Variants in CAMTA1 observed in about 807,000 individuals in gnomAD.
The protein encoded by CAMTA1 is calmodulin-binding transcription activator 1.
In CAMTA1, 27 loss-of-function variants were observed where a neutral mutation model predicts 170.9. That is an observed-to-expected ratio of 0.16 (90% CI 0.12 to 0.22). The LOEUF (loss-of-function observed/expected upper bound fraction) is 0.22. Among genes scored for constraint, CAMTA1 ranks in the 10% least tolerant of loss-of-function variants. CAMTA1 has a pLI of 1.00. For missense variants in CAMTA1, 1,619 were observed against 2,217.2 expected, an observed-to-expected ratio of 0.73 and a Z score of 5.42; for synonymous variants, 833 against 891.5, an observed-to-expected ratio of 0.93 and a Z score of 1.17.
chr1:7,255,726 G>T (rs527354847), intron 5 of CAMTA1, among the ~76,000 whole-genome samples: 1 of 152,186 alleles, frequency 6.6e-6, no homozygotes, highest in Non-Finnish European at 1.5e-5. Context: ...TCTCCACAGA[G>T]TGTCTACAGA....
chr1:7,015,113 C>T (rs536435000), intron 3 of CAMTA1, among the ~76,000 whole-genome samples: 21 of 152,244 alleles, frequency 1.4e-4, no homozygotes, highest in African/African-American at 1.9e-4. Context: ...GCTGGATGGA[C>T]GGATGTCTTG....
At position 7,751,272 on chromosome 1, in the gene CAMTA1, A is replaced by G. The variant is rs1206423489; in HGVS notation, c.4763A>G (p.Lys1588Arg). 1 of 1,611,974 alleles carries G rather than the reference A, an allele frequency of 6.2e-7. No individual in the cohort carries two copies. Among genetic ancestry groups the G allele is most frequent in the African/African-American group, 1.3e-5 (1 of 74,810 alleles). Residue 1588 changes from lysine to arginine, a missense_variant, in exon 20 of 23, where the codon AAA becomes AGA. Transcript: ENST00000303635. ...AAATTCCGAAGTTACTATGAACAAA[A>G]AAAATTCCAGCAGAGCCGACGGGCT... ...QSKFRSYYEQ[K>R]KFQQSRRAAV...
chr1:6,817,431 CAAG>C (rs1370336238), intron 1 of CAMTA1, among the ~76,000 whole-genome samples: 2 of 152,164 alleles, frequency 1.3e-5, no homozygotes, highest in Non-Finnish European at 2.9e-5. Flanking sequence ...AAAGATGTTA[CAAG>C]AAGTCAGCGT....
intron 6 of CAMTA1, among the ~76,000 whole-genome samples, chr1:7,525,434 A>G (rs1489605608): frequency 1.3e-5 from 2 of 151,766 alleles, no homozygotes; most frequent in South Asian, 2.1e-4. Flanking sequence ...TACGCTATTG[A>G]TGTTCTTGTG....
chr1:6,789,804 C>CTTTTTTTTTT (rs34542033), intron 1 of CAMTA1, among the ~76,000 whole-genome samples: 2 of 85,662 alleles, frequency 2.3e-5, no homozygotes, highest in Non-Finnish European at 4.3e-5. Flanking sequence ...TTTAGTGTAT[C>CTTTTTTTTTT]TTTTTTTTTT....
intron 5 of CAMTA1, among the ~76,000 whole-genome samples, chr1:7,459,192 A>C (rs1040827455): frequency 2.0e-5 from 3 of 152,106 alleles, no homozygotes; most frequent in Non-Finnish European, 2.9e-5. Flanking sequence ...GCTTGTTTGA[A>C]TCCTTCTGCC....
intron 5 of CAMTA1, among the ~76,000 whole-genome samples, chr1:7,347,063 C>T (rs376947095): frequency 3.3e-5 from 5 of 152,164 alleles, no homozygotes; most frequent in African/African-American, 1.2e-4. Flanking sequence ...CTCCAAACTC[C>T]GTAGCAATAG....
At chr1:7,407,866 G>T (rs1180912150) in intron 5 of CAMTA1, among the ~76,000 whole-genome samples, 1 of 152,092 alleles carries the variant, frequency 6.6e-6, no homozygotes, top group Non-Finnish European at 1.5e-5. Context: ...GGGAGCCAGG[G>T]CCATCTTGCA....
chr1:6,926,432 T>C (rs1683133326), intron 3 of CAMTA1, among the ~76,000 whole-genome samples: 1 of 134,842 alleles, frequency 7.4e-6, no homozygotes, highest in African/African-American at 2.8e-5. Flanking sequence ...TCTCTTTCTT[T>C]CTTTTCTCTT....
chr1:7,509,583 G>A (rs2094172097), intron 6 of CAMTA1, among the ~76,000 whole-genome samples: 3 of 152,154 alleles, frequency 2.0e-5, no homozygotes, highest in Admixed American at 2.0e-4. Context: ...CTGTATTCTG[G>A]GAGCACCCAG....
chr1:6,862,759 G>A (rs1571088398), intron 3 of CAMTA1, among the ~76,000 whole-genome samples: 2 of 152,110 alleles, frequency 1.3e-5, no homozygotes, highest in Admixed American at 1.3e-4. Context: ...TCATTTAAAG[G>A]TGGAATTTCC....
In CAMTA1 at chr1:7,588,940, G is replaced by T. The variant is rs1057036693; in HGVS notation, c.511-51460G>T. Reference sequence around the variant, plus strand: ...CGATCAGGGAAGACTGATCGTGCTTGGATAAGTGCAGCTTAAAATTGAAAA... The same window carrying T: ...CGATCAGGGAAGACTGATCGTGCTTTGATAAGTGCAGCTTAAAATTGAAAA... On this transcript the variant is annotated intron_variant, in intron 6 of 22. Transcript: ENST00000303635. This position sits in a 1 kb window ranked among gnomAD's most constrained non-coding sequence, Gnocchi z 5.8. 2.0e-5 allele frequency among the ~76,000 whole-genome samples: 3 copies of T among 152,192 alleles called. No homozygotes were observed. The highest frequency in any genetic ancestry group is 2.0e-4 in the Admixed American group (3 of 15,286).
chr1:7,664,736 C>T lies in CAMTA1; in HGVS notation c.2189C>T (p.Ala730Val). ...QPETNGVIRS[A>V]GGVPILPGNV... ...GAGACCAACGGGGTAATCCGAAGCG[C>T]CGGCGGCGTCCCCATCCTCCCGGGC... The change falls in exon 9 of 23, where the codon GCC (alanine) becomes GTC (valine). Residue 730 changes from alanine to valine, a missense_variant. Ala to Val is a moderately conservative substitution (Grantham distance 64). Transcript: ENST00000303635. The T allele has an allele frequency of 6.2e-7, 1 of 1,608,318 alleles. No homozygotes were observed.
chr1:6,938,019 T>G (rs1374201857), intron 3 of CAMTA1, among the ~76,000 whole-genome samples: 1 of 152,242 alleles, frequency 6.6e-6, no homozygotes, highest in Non-Finnish European at 1.5e-5. Context: ...ATTCTGCCTG[T>G]TTTACAGATG....
Position 7,384,596 on chromosome 1 carries a change from G to A in CAMTA1, c.439-83234G>A, listed in dbSNP as rs570298633. Among the ~76,000 whole-genome samples the A allele has an allele frequency of 1.5e-3, 236 of 152,344 alleles. 1 individual carries two copies. Among genetic ancestry groups the A allele is most frequent in the Non-Finnish European group, 2.4e-3 (162 of 68,036 alleles). On this transcript the variant is annotated intron_variant, in intron 5 of 22. Coordinates refer to ENST00000303635, the MANE Select transcript of CAMTA1 (RefSeq NM_015215.4). ...AAAGAAATTTGTACCTATCAAAGCAGCAAGGACACACATTAGATAAATCAA... is the reference window on the plus strand; with the variant it reads ...AAAGAAATTTGTACCTATCAAAGCAACAAGGACACACATTAGATAAATCAA...
intron 5 of CAMTA1, among the ~76,000 whole-genome samples, chr1:7,289,407 GAGA>G (rs926750802): frequency 6.6e-6 from 1 of 152,140 alleles, no homozygotes; most frequent in Non-Finnish European, 1.5e-5. Flanking sequence ...GAGATAACAG[GAGA>G]AGGACTGTCC....
At chr1:7,351,114 G>A (rs2084636731) in intron 5 of CAMTA1, among the ~76,000 whole-genome samples, 1 of 152,200 alleles carries the variant, frequency 6.6e-6, no homozygotes, top group Non-Finnish European at 1.5e-5. Context: ...GGAATTGTGG[G>A]GACTAGGCAG....
At chr1:6,960,871 T>C (rs775305866) in intron 3 of CAMTA1, among the ~76,000 whole-genome samples, 1 of 152,234 alleles carries the variant, frequency 6.6e-6, no homozygotes, top group African/African-American at 2.4e-5. Context: ...TCTTTACATA[T>C]GTGAAAGGAT....
intron 5 of CAMTA1, among the ~76,000 whole-genome samples, chr1:7,372,094 G>A (rs901835570): frequency 1.3e-5 from 2 of 152,202 alleles, no homozygotes; most frequent in Non-Finnish European, 2.9e-5. Context: ...CGCCAGTAGT[G>A]TGGCTTGGGC....
Sources: allele counts gnomAD v4.1 joint callset (sites outside exome capture counted in the v4.1 genomes callset), GRCh38; gene constraint gnomAD v4.1.1; non-coding constraint Gnocchi (gnomAD v3.1); transcripts MANE v1.5; gene names NCBI Gene and HGNC (gene_info 2026-07-23, HGNC 2026-07-21).